The following HOOK1 variants were observed in gnomAD, a reference collection of about 807,000 sequenced individuals.
HOOK1 encodes hook microtubule tethering protein 1, also known as protein Hook homolog 1.
In HOOK1, 60 loss-of-function variants were observed where a neutral mutation model predicts 112.8. That is an observed-to-expected ratio of 0.53 (90% CI 0.43 to 0.66). HOOK1 has a LOEUF of 0.66. Ranked by LOEUF, HOOK1 falls within the 30% of genes least tolerant of loss-of-function variation. The pLI is 0.00. For synonymous variants in HOOK1, 294 were observed against 283.8 expected (o/e 1.04, Z -0.36); for missense variants, 770 against 856.0 (o/e 0.90, Z 1.25).
At position 59,873,785 on chromosome 1, in the gene HOOK1, A is replaced by G. The variant is rs907269489; in HGVS notation, c.*820A>G. On this transcript the variant is annotated 3_prime_UTR_variant, in exon 22 of 22. Coordinates refer to ENST00000371208, the MANE Select transcript of HOOK1 (RefSeq NM_015888.6). ...TATATACTTTTTGTGAAATGTCTAT[A>G]TACTTTTTAAGGTAATTAATGAAGA... 5 of 143,648 alleles carry G rather than the reference A, an allele frequency of 3.5e-5. No individual in the cohort carries two copies. The East Asian group carries it at 1.0e-3, about 29-fold the overall frequency. 8.9% of individuals were successfully genotyped at this position (143,648 alleles called of 1,614,324 possible). A position where few individuals can be genotyped will look rare whatever the true frequency, so the allele number is the denominator to read the frequency against.
Position 59,865,882 on chromosome 1 carries a change from C to T in HOOK1, c.1755C>T (p.Ile585=), listed in dbSNP as rs759631550. The T allele has an allele frequency of 6.4e-7, 1 of 1,555,106 alleles. No homozygotes were observed. Among genetic ancestry groups the T allele is most frequent in the Non-Finnish European group, 8.8e-7 (1 of 1,140,038 alleles). Residue 585 remains isoleucine (I), a synonymous_variant, in exon 19 of 22, where the codon ATC becomes ATT. Transcript: ENST00000371208. ...QPDINQNVQK[I]NELEAALQKK... ...TATTTTTACTAATAGTACAAAAGAT[C>T]AATGAACTTGAAGCTGCTCTTCAGA...
chr1:59,836,718 C>G (rs1300734198), intron 6 of HOOK1, among the ~76,000 whole-genome samples, 155 bp from the exon 7 acceptor site: 2 of 152,050 alleles, frequency 1.3e-5, no homozygotes, highest in Non-Finnish European at 2.9e-5. Flanking sequence ...AGTTAAGGCT[C>G]TAATAAAGTT....
rs556232811 is a variant in HOOK1 at position 59,833,311 on chromosome 1, G to A, written c.274-94G>A. The stretch of plus-strand genomic sequence containing the variant: ...TTTGTTATTTTATCTGAGTTGTTTC[G>A]TGAATTTATAATTTATTTTCATTGT... On this transcript the variant is annotated intron_variant, in intron 4 of 21. Transcript: ENST00000371208. 3.8e-4 allele frequency: 353 copies of A among 922,112 alleles called. 1 individual carries two copies. The highest frequency in any genetic ancestry group is 1.6e-4 in the Admixed American group (5 of 30,500). The allele number at this position is 922,112 out of a possible 1,614,324, so 57.1% of individuals were successfully genotyped here. A position where few individuals can be genotyped will look rare whatever the true frequency, so the allele number is the denominator to read the frequency against.
chr1:59,847,457 T>G (rs922870766), intron 10 of HOOK1, among the ~76,000 whole-genome samples: 3 of 151,618 alleles, frequency 2.0e-5, no homozygotes, highest in African/African-American at 7.3e-5. Context: ...AATGGAGTAC[T>G]TATAGATACA....
rs554171423 is a variant in HOOK1 at position 59,832,397 on chromosome 1, GT to G, written c.273+185del. ...AAAATAAGCTTGGATATATTGATTTGTAAGATAACATTGCTTAGGTATTGAT... is the reference window on the plus strand; with the variant it reads ...AAAATAAGCTTGGATATATTGATTTGAAGATAACATTGCTTAGGTATTGAT... On this transcript the variant is annotated intron_variant, in intron 4 of 21. Coordinates refer to ENST00000371208, the MANE Select transcript of HOOK1 (RefSeq NM_015888.6). Among the ~76,000 whole-genome samples, 459 of 152,084 alleles carry G rather than the reference GT, an allele frequency of 3.0e-3. 1 individual carries two copies. Among genetic ancestry groups the G allele is most frequent in the African/African-American group, 0.01 (418 of 41,540 alleles).
At chr1:59,829,638 G>T (rs958994734) in intron 3 of HOOK1, among the ~76,000 whole-genome samples, 2 of 151,784 alleles carry the variant, frequency 1.3e-5, no homozygotes, top group Non-Finnish European at 2.9e-5. Context: ...CCTGCTATTG[G>T]TTATTTGTGT....
chr1:59,824,210 A>ATTT (rs35058060), intron 2 of HOOK1, among the ~76,000 whole-genome samples: 3 of 143,770 alleles, frequency 2.1e-5, no homozygotes, highest in Admixed American at 7.0e-5. Context: ...ATATGTTACA[A>ATTT]TTTTTTTTTT....
intron 20 of HOOK1, 42 bp downstream of exon 20, chr1:59,868,393 A>T: frequency 9.2e-7 from 1 of 1,088,244 alleles, no homozygotes; most frequent in East Asian, 2.4e-5. Context: ...TATTTTGTAG[A>T]ATCCTGGTAA....
At chr1:59,856,984 T>C (rs1016316532) in intron 12 of HOOK1, among the ~76,000 whole-genome samples, 10 of 152,194 alleles carry the variant, frequency 6.6e-5, no homozygotes, top group African/African-American at 1.7e-4. Context: ...ATGGGCATCT[T>C]ATTTCTCAGA....
At chr1:59,849,233 T>TGA (rs1448176168) in intron 12 of HOOK1, 50 bp downstream of exon 12, 1 of 1,226,400 alleles carries the variant, frequency 8.2e-7, no homozygotes, top group Non-Finnish European at 1.2e-6. Context: ...CTTTTAGTTT[T>TGA]GTAATGCCCT....
chr1:59,817,736 G>A (rs1466739582), intron 1 of HOOK1, among the ~76,000 whole-genome samples: 8 of 152,142 alleles, frequency 5.3e-5, no homozygotes, highest in Non-Finnish European at 1.2e-4. Flanking sequence ...TCTTGGGTCA[G>A]ATGTTGCTTT....
At chr1:59,826,056 A>C (rs1400134409) in intron 2 of HOOK1, among the ~76,000 whole-genome samples, 1 of 152,222 alleles carries the variant, frequency 6.6e-6, no homozygotes, top group Non-Finnish European at 1.5e-5. Context: ...TTGAAGTGAC[A>C]CAACTATATT....
chr1:59,869,737 T>G (rs1310639902), intron 20 of HOOK1, among the ~76,000 whole-genome samples: 1 of 152,152 alleles, frequency 6.6e-6, no homozygotes, highest in Non-Finnish European at 1.5e-5. Context: ...CCAGGCTATG[T>G]TGTGTGTTCT....
chr1:59,835,847 A>G (rs1237876451), intron 6 of HOOK1, among the ~76,000 whole-genome samples: 1 of 152,080 alleles, frequency 6.6e-6, no homozygotes, highest in Non-Finnish European at 1.5e-5. Flanking sequence ...CCGCTGATCT[A>G]TCAGCAGGTG....
intron 3 of HOOK1, among the ~76,000 whole-genome samples, chr1:59,830,341 T>G (rs1310295968): frequency 6.6e-6 from 1 of 152,130 alleles, no homozygotes; most frequent in Admixed American, 6.5e-5. Flanking sequence ...CCTTTGCATT[T>G]TTTTGCTTTT....
chr1:59,872,780 GT>G lies in HOOK1; in HGVS notation c.2017-4del, dbSNP rs201568293. The G allele has an allele frequency of 4.0e-3, 4,354 of 1,082,984 alleles. No homozygotes were observed. Among genetic ancestry groups the G allele is most frequent in the South Asian group, 0.011 (508 of 45,292 alleles). 67.1% of individuals were successfully genotyped at this position (1,082,984 alleles called of 1,614,324 possible). The stretch of plus-strand genomic sequence containing the variant: ...TAGTCATGTTAAATAAAAAATATAT[GT>G]TTTTTTTTTTCAGAGTCTAGCATTC... On this transcript the variant is annotated splice_polypyrimidine_tract_variant and intron_variant, in intron 21 of 21. Coordinates refer to ENST00000371208, the MANE Select transcript of HOOK1 (RefSeq NM_015888.6).
chr1:59,872,137 A>C (rs1267032022), intron 21 of HOOK1, among the ~76,000 whole-genome samples: 2 of 152,216 alleles, frequency 1.3e-5, no homozygotes, highest in Admixed American at 1.3e-4. Context: ...ACTAGTTACT[A>C]GTGATGCTAA....
intron 9 of HOOK1, among the ~76,000 whole-genome samples, chr1:59,844,938 C>T (rs777339031): frequency 2.0e-5 from 3 of 151,868 alleles, no homozygotes; most frequent in Non-Finnish European, 4.4e-5. Flanking sequence ...TATATTGAAA[C>T]TTTTATATCT....
chr1:59,861,004 C>T (rs764816721), intron 15 of HOOK1, among the ~76,000 whole-genome samples: 2 of 152,070 alleles, frequency 1.3e-5, no homozygotes, highest in Non-Finnish European at 2.9e-5. Flanking sequence ...TCTCAATCTC[C>T]TGACCTCATG....
Sources: gnomAD v4.1 joint callset for allele counts (sites outside exome capture counted in the v4.1 genomes callset) on GRCh38, gnomAD v4.1.1 for gene constraint, MANE v1.5 for transcripts, NCBI Gene and HGNC (gene_info 2026-07-23, HGNC 2026-07-21) for gene names.